The following ITGB5 variants were observed in gnomAD, a reference collection of about 807,000 sequenced individuals.
ITGB5 encodes integrin beta-5.
A neutral mutation model predicts 84.8 loss-of-function variants in ITGB5; 38 were observed. The ratio of observed to expected loss-of-function variants is 0.45; its 90% confidence interval spans 0.35 to 0.59. ITGB5 has a LOEUF of 0.59. ITGB5 is among the 20% of genes least tolerant of loss of function. The pLI, the probability that ITGB5 is intolerant of heterozygous loss-of-function variation, is 0.01. For missense variants in ITGB5, 905 were observed against 1,034.5 expected, an observed-to-expected ratio of 0.87 and a Z score of 1.72; for synonymous variants, 393 against 414.4, an observed-to-expected ratio of 0.95 and a Z score of 0.63.
intron 5 of ITGB5, among the ~76,000 whole-genome samples, chr3:124,830,704 C>T (rs2064847609): frequency 6.6e-6 from 1 of 152,206 alleles, no homozygotes; most frequent in African/African-American, 2.4e-5. Flanking sequence ...TCTTCCTTGG[C>T]CGGGCACGGT....
At chr3:124,861,880 C>T (rs1162928173) in intron 2 of ITGB5, among the ~76,000 whole-genome samples, 1 of 152,176 alleles carries the variant, frequency 6.6e-6, no homozygotes, top group African/African-American at 2.4e-5. Flanking sequence ...GATTTAAAAG[C>T]AGAACTTTCT....
intron 10 of ITGB5, among the ~76,000 whole-genome samples, chr3:124,790,764 C>G (rs948364953): frequency 6.6e-6 from 1 of 151,768 alleles, no homozygotes; most frequent in African/African-American, 2.4e-5. Flanking sequence ...CTTCTAATTG[C>G]CTGCCACATA....
chr3:124,863,578 G>T (rs181340037), intron 2 of ITGB5, among the ~76,000 whole-genome samples: 1 of 152,086 alleles, frequency 6.6e-6, no homozygotes, highest in Non-Finnish European at 1.5e-5. Flanking sequence ...GAGTGCAGTG[G>T]TGTAATCTCA....
chr3:124,868,106 G>A lies in ITGB5; in HGVS notation c.156+5340C>T, dbSNP rs147863267. 5.3e-5 allele frequency among the ~76,000 whole-genome samples: 8 copies of A among 152,260 alleles called. No individual in the cohort carries two copies. In the East Asian group the frequency reaches 1.4e-3, roughly 26 times the overall value. On this transcript the variant is annotated intron_variant, in intron 2 of 14. Coordinates refer to ENST00000296181, the MANE Select transcript of ITGB5 (RefSeq NM_002213.5). ...CTTCCTGACACCTTGTGAAGAAGGT[G>A]CATTGCTTCCCCTTCACCTTCCACC...
chr3:124,799,447 C>T (rs2064283116), intron 9 of ITGB5, among the ~76,000 whole-genome samples: 1 of 152,132 alleles, frequency 6.6e-6, no homozygotes, highest in Admixed American at 6.5e-5. Context: ...GTGGTCCCAG[C>T]TACTCAGAAG....
At chr3:124,838,152 T>C (rs1303029625) in intron 5 of ITGB5, among the ~76,000 whole-genome samples, 1 of 150,230 alleles carries the variant, frequency 6.7e-6, no homozygotes, top group Non-Finnish European at 1.5e-5. Flanking sequence ...AGACGAACAA[T>C]GAGTACATGG....
chr3:124,804,811 T>G (rs2064369782), intron 9 of ITGB5, among the ~76,000 whole-genome samples: 1 of 151,960 alleles, frequency 6.6e-6, no homozygotes, highest in South Asian at 2.1e-4. Context: ...GGAATACAGG[T>G]GCACATCACC....
chr3:124,783,795 C>A (rs1440656042), intron 10 of ITGB5, among the ~76,000 whole-genome samples: 1 of 152,220 alleles, frequency 6.6e-6, no homozygotes, highest in Admixed American at 6.5e-5. Flanking sequence ...GAAATCGCAG[C>A]CTTGCATCTC....
intron 9 of ITGB5, among the ~76,000 whole-genome samples, chr3:124,798,867 A>G (rs1050326343): frequency 6.6e-6 from 1 of 152,224 alleles, no homozygotes; most frequent in Non-Finnish European, 1.5e-5. Flanking sequence ...GGGAGAGGGT[A>G]TGGGACTGAG....
chr3:124,774,778 G>A (rs896816969), intron 10 of ITGB5, among the ~76,000 whole-genome samples: 1 of 146,896 alleles, frequency 6.8e-6, no homozygotes, highest in Non-Finnish European at 1.5e-5. Flanking sequence ...AGGAGCAGAT[G>A]CTGAGAACAG....
rs1021136244 is a variant in ITGB5 at position 124,884,864 on chromosome 3, G to A, written c.70+2067C>T. 3.9e-4 allele frequency among the ~76,000 whole-genome samples: 59 copies of A among 152,220 alleles called. 1 individual carries two copies. Among genetic ancestry groups the A allele is most frequent in the African/African-American group, 1.4e-3 (57 of 41,452 alleles). On this transcript the variant is annotated intron_variant, in intron 1 of 14. Coordinates refer to ENST00000296181, the MANE Select transcript of ITGB5 (RefSeq NM_002213.5). ...CACTCCTGACCCAAGTAGAGGGGAA[G>A]GGCAAGTCACTTCCTTCCTGAGCCC...
intron 2 of ITGB5, among the ~76,000 whole-genome samples, chr3:124,869,673 G>A (rs747621259): frequency 1.5e-4 from 23 of 152,174 alleles, no homozygotes; most frequent in Non-Finnish European, 2.4e-4. Context: ...CAAAGAAGAT[G>A]GGAAGCTGCA....
At chr3:124,813,675 G>C (rs941864724) in intron 8 of ITGB5, among the ~76,000 whole-genome samples, 1 of 152,206 alleles carries the variant, frequency 6.6e-6, no homozygotes, top group Non-Finnish European at 1.5e-5. Context: ...GGTGTGTGAG[G>C]AGGGTGCAGA....
chr3:124,774,695 GGTT>G (rs1291727678), intron 10 of ITGB5, among the ~76,000 whole-genome samples: 1 of 152,146 alleles, frequency 6.6e-6, no homozygotes, highest in African/African-American at 2.4e-5. Context: ...CAGAAAACAC[GGTT>G]GTTCTCCCTG....
chr3:124,848,317 C>T lies in ITGB5; in HGVS notation c.603G>A (p.Pro201=), dbSNP rs567407073. Residue 201 remains proline, a synonymous_variant, in exon 4 of 15, where the codon CCG becomes CCA. Transcript: ENST00000296181. ...SYTAPRYQTN[P]CIGYKLFPNC... is the part of the protein sequence containing the mutation. ...GGCAACTGGTCACTTACCCAATGCA[C>T]GGATTGGTCTGGTACCTCGGTGCCG... The T allele has an allele frequency of 2.1e-4, 335 of 1,614,048 alleles. 2 individuals carry two copies. The South Asian group carries it at 3.2e-3, about 16-fold the overall frequency.
At chr3:124,866,557 C>T (rs1013408966) in intron 2 of ITGB5, among the ~76,000 whole-genome samples, 1 of 152,162 alleles carries the variant, frequency 6.6e-6, no homozygotes, top group Non-Finnish European at 1.5e-5. Context: ...ACAAAAGGAA[C>T]CCAAGCAAGA....
chr3:124,891,716 G>A (rs1935005554), upstream of ITGB5, among the ~76,000 whole-genome samples: 1 of 151,896 alleles, frequency 6.6e-6, no homozygotes, highest in African/African-American at 2.4e-5. Context: ...TTGAGCTCAG[G>A]GTTTGAGACC....
intron 3 of ITGB5, among the ~76,000 whole-genome samples, chr3:124,851,215 C>T (rs977525506): frequency 6.6e-6 from 1 of 152,142 alleles, no homozygotes; most frequent in Non-Finnish European, 1.5e-5. Context: ...GACCCTGTCA[C>T]CAAGGACTAG....
chr3:124,883,046 C>T (rs542664228), intron 1 of ITGB5, among the ~76,000 whole-genome samples: 3 of 152,210 alleles, frequency 2.0e-5, no homozygotes, highest in Admixed American at 2.0e-4. Context: ...CCACGGCAGT[C>T]AGTTCTCCAA....
Sources: allele counts gnomAD v4.1 joint callset (sites outside exome capture counted in the v4.1 genomes callset), GRCh38; gene constraint gnomAD v4.1.1; transcripts MANE v1.5; gene names NCBI Gene and HGNC (gene_info 2026-07-23, HGNC 2026-07-21).